Variants in NCKAP5 observed in about 807,000 individuals in gnomAD.
NCKAP5 encodes the protein nck-associated protein 5.
A neutral mutation model predicts 167.0 loss-of-function variants in NCKAP5; 92 were observed. The observed-to-expected ratio is 0.55, with a 90% CI of 0.47 to 0.66. The LOEUF is 0.66. Among genes scored for constraint, NCKAP5 ranks in the 30% least tolerant of loss-of-function variants. The pLI, the probability that NCKAP5 is intolerant of heterozygous loss-of-function variation, is 0.00. For synonymous variants in NCKAP5, 891 were observed against 877.4 expected (o/e 1.02, Z -0.27); for missense variants, 2,378 against 2,315.0 (o/e 1.03, Z -0.56).
chr2:132,991,213 C>A (rs1449014286), intron 7 of NCKAP5, among the ~76,000 whole-genome samples: 1 of 152,188 alleles, frequency 6.6e-6, no homozygotes, highest in Non-Finnish European at 1.5e-5. Context: ...AGTGCCAGCA[C>A]CTCCTGCACA....
At chr2:132,801,057 C>T (rs2105199611) in intron 11 of NCKAP5, among the ~76,000 whole-genome samples, 1 of 152,218 alleles carries the variant, frequency 6.6e-6, no homozygotes, top group South Asian at 2.1e-4. Context: ...GTGACATCTG[C>T]CCTTTCTTGC....
the NCKAP5 span, among the ~76,000 whole-genome samples, chr2:133,643,427 G>A: frequency 6.6e-6 from 1 of 152,046 alleles, no homozygotes; most frequent in Non-Finnish European, 1.5e-5. Context: ...ATTGTAATAA[G>A]CTAATTTCAG....
At chr2:133,268,050 T>A (rs1412084169) in intron 4 of NCKAP5, among the ~76,000 whole-genome samples, 1 of 152,250 alleles carries the variant, frequency 6.6e-6, no homozygotes. Context: ...AATAATTTGT[T>A]GGATAAACAA....
At position 132,747,416 on chromosome 2, in the gene NCKAP5, A is replaced by C. The variant is rs186784268; in HGVS notation, c.5129-15365T>G. On this transcript the variant is annotated intron_variant, in intron 16 of 19. Transcript: ENST00000409261. ...GCTTTGTGAACTCCTTTATCTTTTC[A>C]ATAATCGTGGGAAATAGCTATTATT... 2.0e-3 allele frequency among the ~76,000 whole-genome samples: 301 copies of C among 152,292 alleles called. 3 individuals carry two copies. The highest frequency in any genetic ancestry group is 6.9e-3 in the African/African-American group (288 of 41,560).
intron 6 of NCKAP5, among the ~76,000 whole-genome samples, chr2:133,018,650 C>A (rs553570955): frequency 2.3e-4 from 35 of 152,256 alleles, no homozygotes; most frequent in South Asian, 2.3e-3. Flanking sequence ...GCTCTTATTG[C>A]CTAAGTGCTC....
chr2:132,812,496 G>A (rs575216872), intron 11 of NCKAP5, among the ~76,000 whole-genome samples: 1 of 152,224 alleles, frequency 6.6e-6, no homozygotes, highest in Non-Finnish European at 1.5e-5. Context: ...TGTCTTATCC[G>A]TGCTTGAATG....
At chr2:133,325,701 A>G (rs1682388449) in intron 3 of NCKAP5, among the ~76,000 whole-genome samples, 1 of 152,174 alleles carries the variant, frequency 6.6e-6, no homozygotes, top group African/African-American at 2.4e-5. Flanking sequence ...TGTGACCTGA[A>G]TGAAAGCTAG....
intron 15 of NCKAP5, among the ~76,000 whole-genome samples, chr2:132,775,060 A>G (rs1682430633): frequency 6.6e-6 from 1 of 152,174 alleles, no homozygotes; most frequent in South Asian, 2.1e-4. Context: ...CTCTTTTAAA[A>G]TACATTCCAG....
intron 3 of NCKAP5, among the ~76,000 whole-genome samples, chr2:133,467,273 G>A (rs1341416975): frequency 6.6e-6 from 1 of 150,614 alleles, no homozygotes; most frequent in Non-Finnish European, 1.5e-5. Context: ...ATAATCATGT[G>A]GTTTTTGTCT....
At chr2:133,149,524 C>T (rs554437033) in intron 5 of NCKAP5, among the ~76,000 whole-genome samples, 2 of 151,336 alleles carry the variant, frequency 1.3e-5, no homozygotes, top group South Asian at 4.2e-4. Flanking sequence ...AACATGCAGG[C>T]AACAAATACC....
chr2:133,212,946 T>C (rs1186801601), intron 5 of NCKAP5, among the ~76,000 whole-genome samples: 1 of 152,178 alleles, frequency 6.6e-6, no homozygotes, highest in African/African-American at 2.4e-5. Context: ...CTTCAGGGTA[T>C]AAAAATGTAC....
At chr2:133,413,557 T>C (rs1484992282) in intron 3 of NCKAP5, among the ~76,000 whole-genome samples, 2 of 152,118 alleles carry the variant, frequency 1.3e-5, no homozygotes, top group Non-Finnish European at 2.9e-5. Flanking sequence ...TTCTGTATTA[T>C]TTCTCACAAC....
At chr2:133,401,279 C>T (rs1409975716) in intron 3 of NCKAP5, among the ~76,000 whole-genome samples, 1 of 152,184 alleles carries the variant, frequency 6.6e-6, no homozygotes, top group Non-Finnish European at 1.5e-5. Context: ...CACATCTTGC[C>T]TAGAATCTTT....
At chr2:133,405,381 C>A (rs1158019490) in intron 3 of NCKAP5, among the ~76,000 whole-genome samples, 1 of 152,198 alleles carries the variant, frequency 6.6e-6, no homozygotes, top group South Asian at 2.1e-4. Flanking sequence ...GAACACCAGA[C>A]AGCACTTCGG....
chr2:133,540,196 A>G (rs1686112431), intron 2 of NCKAP5, among the ~76,000 whole-genome samples: 1 of 152,200 alleles, frequency 6.6e-6, no homozygotes, highest in African/African-American at 2.4e-5. Flanking sequence ...AAAAAAGAAA[A>G]AGAAAAATGC....
At chr2:133,522,665 A>C (rs1684567771) in intron 2 of NCKAP5, among the ~76,000 whole-genome samples, 1 of 151,928 alleles carries the variant, frequency 6.6e-6, no homozygotes, top group Non-Finnish European at 1.5e-5. Context: ...GCAGGGCAAA[A>C]ATACAATTTT....
chr2:133,479,709 TG>T (rs1680256080), intron 3 of NCKAP5, among the ~76,000 whole-genome samples: 1 of 152,206 alleles, frequency 6.6e-6, no homozygotes, highest in East Asian at 1.9e-4. Flanking sequence ...GTTGTCTTTC[TG>T]CTTTATTGCA....
chr2:133,615,157 C>T, the NCKAP5 span, among the ~76,000 whole-genome samples: 2 of 151,858 alleles, frequency 1.3e-5, no homozygotes, highest in African/African-American at 2.4e-5. Context: ...AAGCTCTAAA[C>T]ATGGAAAGGA....
At chr2:133,160,100 G>A (rs1436856888) in intron 5 of NCKAP5, among the ~76,000 whole-genome samples, 2 of 152,146 alleles carry the variant, frequency 1.3e-5, no homozygotes, top group Non-Finnish European at 2.9e-5. Context: ...CTGTAACAAA[G>A]TAACACAAAC....
Sources: gnomAD v4.1 joint callset for allele counts (sites outside exome capture counted in the v4.1 genomes callset) on GRCh38, gnomAD v4.1.1 for gene constraint, MANE v1.5 for transcripts, NCBI Gene and HGNC (gene_info 2026-07-23, HGNC 2026-07-21) for gene names.